The following ADGRF5 variants were observed in gnomAD, a reference collection of about 807,000 sequenced individuals.
The protein encoded by ADGRF5 is adhesion G protein-coupled receptor F5, also known as G-protein coupled receptor 116.
ADGRF5 carries 75 observed loss-of-function variants against 132.3 expected under a neutral mutation model. The observed-to-expected ratio is 0.57, with a 90% CI of 0.47 to 0.69. The LOEUF is 0.69. ADGRF5 is among the 30% of genes least tolerant of loss of function. The pLI is 0.00. For synonymous variants in ADGRF5, 629 were observed against 597.6 expected (o/e 1.05, Z -0.77); for missense variants, 1,516 against 1,630.6 (o/e 0.93, Z 1.21).
At chr6:46,854,718 C>T (rs1245270342) in intron 20 of ADGRF5, 1 of 1,285,350 alleles carries the variant, frequency 7.8e-7, no homozygotes, top group Non-Finnish European at 1.0e-6. Context: ...ACCCTACCAT[C>T]AGATTGCTGA....
intron 10 of ADGRF5, among the ~76,000 whole-genome samples, chr6:46,877,303 CTCTT>C (rs1562174991): frequency 5.1e-4 from 36 of 70,204 alleles, no homozygotes; most frequent in African/African-American, 7.5e-4. Context: ...CTCTCTCTCT[CTCTT>C]TCCTTCCTTC....
chr6:46,938,030 G>T (rs76879823), intron 1 of ADGRF5, among the ~76,000 whole-genome samples: 33 of 152,112 alleles, frequency 2.2e-4, no homozygotes, highest in African/African-American at 7.7e-4. Flanking sequence ...ATAAGTTGGG[G>T]GGTAGGGTCT....
At chr6:46,924,126 T>C (rs1319755972), upstream of ADGRF5, among the ~76,000 whole-genome samples, 1 of 152,232 alleles carries the variant, frequency 6.6e-6, no homozygotes, top group Non-Finnish European at 1.5e-5. Flanking sequence ...GTTTCACTTC[T>C]GCCCTTCTTT....
At position 46,921,886 on chromosome 6, in the gene ADGRF5, C is replaced by G. The variant is rs1247456853; in HGVS notation, c.-198G>C. On this transcript the variant is annotated 5_prime_UTR_variant, in exon 1 of 21. Transcript: ENST00000283296. ...GCGTTTTCAGGCAGGACTGGCAGCA[C>G]CGCTCCCACGCTCAGCCTCCCCCAG... The G allele has an allele frequency of 6.6e-6, 1 of 152,412 alleles. No individual in the cohort carries two copies. Among genetic ancestry groups the G allele is most frequent in the East Asian group, 1.9e-4 (1 of 5,196 alleles). The allele number at this position is 152,412 out of a possible 1,614,324, so 9.4% of individuals were successfully genotyped here.
chr6:46,879,662 A>T (rs936943019), intron 9 of ADGRF5, among the ~76,000 whole-genome samples, 156 bp downstream of exon 9: 1 of 152,194 alleles, frequency 6.6e-6, no homozygotes, highest in Non-Finnish European at 1.5e-5. Flanking sequence ...ACTAATACAT[A>T]TCGGATTAAT....
At position 46,908,921 on chromosome 6, in the gene ADGRF5, C is replaced by A. The variant is rs1036166660; in HGVS notation, c.-24-2135G>T. ...GAAAGGAAATAGTCAATATATTTGACAACCTGTATGGAATGGACCTGACCA... is the reference window on the plus strand; with the variant it reads ...GAAAGGAAATAGTCAATATATTTGAAAACCTGTATGGAATGGACCTGACCA... On this transcript the variant is annotated intron_variant, in intron 1 of 20. Coordinates refer to ENST00000283296, the MANE Select transcript of ADGRF5 (RefSeq NM_001098518.2). 7 of 152,304 alleles carry A rather than the reference C, an allele frequency of 4.6e-5. No individual in the cohort carries two copies. In the East Asian group the frequency reaches 1.4e-3, roughly 29 times the overall value. 9.4% of individuals were successfully genotyped at this position (152,304 alleles called of 1,614,324 possible).
chr6:46,884,704 A>T (rs944121143), intron 4 of ADGRF5, among the ~76,000 whole-genome samples: 8 of 152,186 alleles, frequency 5.3e-5, no homozygotes, highest in African/African-American at 1.9e-4. Context: ...ATGGTATGGC[A>T]CTTCTGAGAT....
chr6:46,874,589 G>T (rs1771435753), intron 10 of ADGRF5, among the ~76,000 whole-genome samples: 1 of 152,200 alleles, frequency 6.6e-6, no homozygotes, highest in African/African-American at 2.4e-5. Flanking sequence ...AGACATTCAG[G>T]ATTTTAATAG....
At chr6:46,891,489 T>C (rs1447288744) in intron 3 of ADGRF5, among the ~76,000 whole-genome samples, 1 of 152,252 alleles carries the variant, frequency 6.6e-6, no homozygotes, top group Non-Finnish European at 1.5e-5. Context: ...GCCATGCCAG[T>C]CTACTATCCT....
At chr6:46,872,205 A>G (rs1466582530) in intron 10 of ADGRF5, among the ~76,000 whole-genome samples, 192 bp from the exon 11 acceptor site, 2 of 151,948 alleles carry the variant, frequency 1.3e-5, no homozygotes, top group Non-Finnish European at 2.9e-5. Flanking sequence ...CGGATCCCAA[A>G]CTCCATCACT....
intron 1 of ADGRF5, among the ~76,000 whole-genome samples, chr6:46,935,975 G>T (rs184507345): frequency 9.8e-5 from 15 of 152,348 alleles, no homozygotes; most frequent in Admixed American, 5.9e-4. Context: ...CAGGAATGCG[G>T]AATGAATGGC....
intron 11 of ADGRF5, chr6:46,870,652 GA>G: frequency 4.7e-6 from 1 of 210,798 alleles, no homozygotes; most frequent in Admixed American, 6.2e-5. Context: ...TGAGTAAAAA[GA>G]AAAAGGCTCA....
chr6:46,864,234 T>C (rs1770112556), intron 14 of ADGRF5, among the ~76,000 whole-genome samples: 1 of 152,172 alleles, frequency 6.6e-6, no homozygotes, highest in South Asian at 2.1e-4. Context: ...TGGGCTAGCA[T>C]AGCAATGACT....
intron 10 of ADGRF5, among the ~76,000 whole-genome samples, chr6:46,877,273 TTCTTTCTTTCTTTCTTTC>T (rs1436969567): frequency 6.8e-4 from 29 of 42,386 alleles, no homozygotes; most frequent in African/African-American, 3.6e-3. Flanking sequence ...CTTTCTTTCT[TTCTTTCTTTCTTTCTTTC>T]TCTCTCTCTC....
At chr6:46,944,545 C>T (rs1012402237) in intron 1 of ADGRF5, among the ~76,000 whole-genome samples, 8 of 152,080 alleles carry the variant, frequency 5.3e-5, no homozygotes, top group African/African-American at 1.9e-4. Flanking sequence ...CAGGTAGAGC[C>T]CAGAGATATG....
Position 46,865,176 on chromosome 6 carries a change from T to G in ADGRF5, c.1856A>C (p.Gln619Pro), listed in dbSNP as rs770723307. The change falls in exon 14 of 21, where the codon CAA (glutamine) becomes CCA (proline). Residue 619 changes from glutamine to proline, a missense_variant. Gln to Pro is a moderately conservative substitution (Grantham distance 76). This residue lies in a region of ADGRF5 where 945 missense variants were observed against 929.4 expected (regional missense o/e 1.02). Transcript: ENST00000283296. ...ATTGAAATTGTGTTTGTAGCACACT[T>G]GTTTTTTGTTAACTTCTTTTGCTGA... is the stretch of plus-strand genomic sequence containing the variant. ...LPAAKEVNKK[Q>P]VCYKHNFNAS... 1.2e-5 allele frequency: 20 copies of G among 1,611,422 alleles called. No individual in the cohort carries two copies. The highest frequency in any genetic ancestry group is 1.5e-5 in the Non-Finnish European group (18 of 1,178,746).
At chr6:46,941,416 G>GAAAAGAA (rs754815197) in intron 1 of ADGRF5, among the ~76,000 whole-genome samples, 1,147 of 36,052 alleles carry the variant, frequency 0.032, 24 homozygotes, top group Non-Finnish European at 0.044. Flanking sequence ...GAAAAGAAAA[G>GAAAAGAA]AAAAGAAAAG....
At chr6:46,888,543 A>T (rs1429596103) in intron 3 of ADGRF5, 38 bp from the exon 4 acceptor site, 10 of 1,416,762 alleles carry the variant, frequency 7.1e-6, no homozygotes, top group Non-Finnish European at 1.0e-5. Flanking sequence ...AGAACTTACC[A>T]TGGGAGATGG....
chr6:46,933,795 T>C (rs1271067499), intron 1 of ADGRF5, among the ~76,000 whole-genome samples: 1 of 152,158 alleles, frequency 6.6e-6, no homozygotes, highest in East Asian at 1.9e-4. Context: ...CATAACTACG[T>C]CACCTTCTAT....
Sources: gnomAD v4.1 joint callset for allele counts (sites outside exome capture counted in the v4.1 genomes callset) on GRCh38, gnomAD v4.1.1 for gene constraint, gnomAD v4.1.1 regional missense constraint, MANE v1.5 for transcripts, NCBI Gene and HGNC (gene_info 2026-07-23, HGNC 2026-07-21) for gene names.